TMEM132B: variants seen among roughly 807,000 people sequenced by gnomAD.
TMEM132B encodes transmembrane protein 132B.
Under a neutral mutation model 90.8 loss-of-function variants are expected in TMEM132B, and 18 were observed. That is an observed-to-expected ratio of 0.20 (90% CI 0.14 to 0.29). The LOEUF is 0.29. TMEM132B is among the 10% of genes least tolerant of loss of function. The probability of loss-of-function intolerance (pLI) is 1.00; values close to 1 mark genes in which losing one functional copy is unlikely to be tolerated. For missense variants in TMEM132B, 1,096 were observed against 1,326.8 expected, an observed-to-expected ratio of 0.83 and a Z score of 2.70; for synonymous variants, 504 against 523.3, an observed-to-expected ratio of 0.96 and a Z score of 0.50.
intron 1 of TMEM132B, among the ~76,000 whole-genome samples, chr12:125,327,829 G>A (rs994325080): frequency 6.6e-6 from 1 of 152,200 alleles, no homozygotes; most frequent in Non-Finnish European, 1.5e-5. Context: ...CAGATGCTGG[G>A]TGCAGTTTCT....
chr12:125,599,799 G>T (rs1271268429), intron 5 of TMEM132B, among the ~76,000 whole-genome samples: 1 of 152,292 alleles, frequency 6.6e-6, no homozygotes, highest in African/African-American at 2.4e-5. Context: ...TTCAGCTGTG[G>T]AAGGGAAGTA....
chr12:125,296,978 A>C (rs1282501431), intron 1 of TMEM132B, among the ~76,000 whole-genome samples: 1 of 152,250 alleles, frequency 6.6e-6, no homozygotes, highest in Admixed American at 6.5e-5. Context: ...ACAGGTCTGC[A>C]CGAGCAGCTG....
At chr12:125,464,284 G>C (rs1332720639) in intron 3 of TMEM132B, among the ~76,000 whole-genome samples, 1 of 152,214 alleles carries the variant, frequency 6.6e-6, no homozygotes, top group Admixed American at 6.5e-5. Context: ...GACTCTGTGG[G>C]ATTTGCTCTG....
chr12:125,234,961 C>A (rs1873901094), intron 1 of TMEM132B, among the ~76,000 whole-genome samples: 1 of 152,150 alleles, frequency 6.6e-6, no homozygotes, highest in Non-Finnish European at 1.5e-5. Flanking sequence ...AGATCTCTTT[C>A]CAGCGTACTC....
chr12:125,572,901 A>G (rs546043019), intron 4 of TMEM132B, among the ~76,000 whole-genome samples: 97 of 152,288 alleles, frequency 6.4e-4, no homozygotes, highest in African/African-American at 2.1e-3. Flanking sequence ...TATTCTACAG[A>G]TTATAATTGA....
At chr12:125,266,650 G>A (rs1336877384) in intron 1 of TMEM132B, among the ~76,000 whole-genome samples, 3 of 152,076 alleles carry the variant, frequency 2.0e-5, no homozygotes, top group African/African-American at 4.8e-5. Context: ...TTTGGGTTGG[G>A]TTAGGCCTTC....
intron 1 of TMEM132B, among the ~76,000 whole-genome samples, chr12:125,211,361 A>G (rs184042925): frequency 1.4e-4 from 21 of 152,326 alleles, no homozygotes; most frequent in African/African-American, 4.1e-4. Context: ...CCTGCCCCAA[A>G]TATGTGTTCC....
rs1244069936 is a variant in TMEM132B, at chr12:125,658,533, T to C, written c.*3823T>C. 6.6e-6 allele frequency: 1 copy of C among 152,216 alleles called. No individual in the cohort carries two copies. Among genetic ancestry groups the C allele is most frequent in the Non-Finnish European group, 1.5e-5 (1 of 68,038 alleles). The allele number at this position is 152,216 out of a possible 1,614,324, so 9.4% of individuals were successfully genotyped here. A position where few individuals can be genotyped will look rare whatever the true frequency, so the allele number is the denominator to read the frequency against. On this transcript the variant is annotated 3_prime_UTR_variant, in exon 9 of 9. Transcript: ENST00000682704. ...CATTCTCTGTAAATGACACAATAGA[T>C]GGTTTATAGACTCAGCAGCCCTCAC...
chr12:125,437,236 G>T (rs325089), intron 3 of TMEM132B, among the ~76,000 whole-genome samples: 2 of 152,194 alleles, frequency 1.3e-5, no homozygotes, highest in Non-Finnish European at 2.9e-5. Context: ...CCTGCTCGTG[G>T]TGTGAACATT....
chr12:125,552,437 C>G (rs1884253340), intron 4 of TMEM132B, among the ~76,000 whole-genome samples: 1 of 152,294 alleles, frequency 6.6e-6, no homozygotes, highest in East Asian at 1.9e-4. Context: ...TAGCCTTGCT[C>G]CATTGTCTAA....
intron 5 of TMEM132B, among the ~76,000 whole-genome samples, chr12:125,624,286 G>A (rs1886177867): frequency 6.6e-6 from 1 of 152,194 alleles, no homozygotes; most frequent in Non-Finnish European, 1.5e-5. Context: ...TTCCAGTGCT[G>A]GTGAGGGGCA....
intron 4 of TMEM132B, among the ~76,000 whole-genome samples, chr12:125,582,052 G>C (rs1161564510): frequency 6.6e-6 from 1 of 151,822 alleles, no homozygotes; most frequent in Non-Finnish European, 1.5e-5. Context: ...TCTTAGATTG[G>C]GTTGTTATTG....
intron 1 of TMEM132B, among the ~76,000 whole-genome samples, chr12:125,192,571 G>A (rs1359163860): frequency 6.6e-6 from 1 of 152,116 alleles, no homozygotes; most frequent in Non-Finnish European, 1.5e-5. Flanking sequence ...TCAGACTCCC[G>A]GGCTGAAGAC....
At position 125,349,827 on chromosome 12, in the gene TMEM132B, C is replaced by T; in HGVS notation, c.443C>T (p.Thr148Ile). 6.2e-7 allele frequency: 1 copy of T among 1,614,254 alleles called. No homozygotes were observed. Among genetic ancestry groups the T allele is most frequent in the South Asian group, 1.1e-5 (1 of 91,086 alleles). ...RPKVQTLFYVTGMGWDDSDLT... is the reference protein window; with the variant it reads ...RPKVQTLFYVIGMGWDDSDLT... ...AAAGTGCAGACCTTGTTTTATGTCA[C>T]TGGCATGGGCTGGGATGACAGTGAC... The change falls in exon 2 of 9, where the codon ACT becomes ATT. Residue 148 changes from threonine to isoleucine, a missense_variant. By Grantham distance (89) the Thr-to-Ile change is moderately conservative (BLOSUM62 -1). Coordinates refer to ENST00000682704, the MANE Select transcript of TMEM132B (RefSeq NM_001366854.1). The surrounding 1 kb of genome is among the most constrained non-coding windows in gnomAD (Gnocchi z 4.1).
intron 4 of TMEM132B, among the ~76,000 whole-genome samples, chr12:125,579,206 T>C (rs1164865221): frequency 6.6e-6 from 1 of 152,186 alleles, no homozygotes; most frequent in Admixed American, 6.5e-5. Context: ...ACTGATTCTT[T>C]TTTTCTGTCT....
intron 1 of TMEM132B, among the ~76,000 whole-genome samples, chr12:125,346,454 T>G (rs1455669402): frequency 1.3e-5 from 2 of 152,202 alleles, no homozygotes; most frequent in African/African-American, 4.8e-5. Flanking sequence ...CTGAAAGATA[T>G]TGTGATGCTG....
At chr12:125,484,064 C>CT (rs1203104820) in intron 3 of TMEM132B, among the ~76,000 whole-genome samples, 1 of 152,054 alleles carries the variant, frequency 6.6e-6, no homozygotes, top group Non-Finnish European at 1.5e-5. Context: ...ACTTACCCCT[C>CT]TTTTTTTGTA....
intron 3 of TMEM132B, among the ~76,000 whole-genome samples, chr12:125,507,489 C>G (rs1347074137): frequency 6.6e-6 from 1 of 152,066 alleles, no homozygotes; most frequent in Non-Finnish European, 1.5e-5. Flanking sequence ...GCAGGCTTAT[C>G]AAAGAAGACA....
chr12:125,540,178 T>C (rs997516393), intron 4 of TMEM132B, among the ~76,000 whole-genome samples: 8 of 152,346 alleles, frequency 5.3e-5, no homozygotes, highest in African/African-American at 1.7e-4. Context: ...GCTGATAACA[T>C]ACTTTATATG....
Sources: allele counts gnomAD v4.1 joint callset (sites outside exome capture counted in the v4.1 genomes callset), GRCh38; gene constraint gnomAD v4.1.1; non-coding constraint Gnocchi (gnomAD v3.1); transcripts MANE v1.5; gene names NCBI Gene and HGNC (gene_info 2026-07-23, HGNC 2026-07-21).